BIRC3: variants seen among roughly 807,000 people sequenced by gnomAD.
The protein encoded by BIRC3 is baculoviral IAP repeat containing 3.
BIRC3 carries 26 observed loss-of-function variants against 59.0 expected under a neutral mutation model. That is an observed-to-expected ratio of 0.44 (90% CI 0.32 to 0.61). BIRC3 has a LOEUF of 0.61. BIRC3 is among the 20% of genes least tolerant of loss of function. The pLI is 0.04. For synonymous variants in BIRC3, 243 were observed against 249.2 expected, an observed-to-expected ratio of 0.98 and a Z score of 0.24; for missense variants, 641 against 711.5, an observed-to-expected ratio of 0.90 and a Z score of 1.13.
chr11:102,326,972 C>T, intron 3 of BIRC3: 1 of 344,380 alleles, frequency 2.9e-6, no homozygotes, highest in Non-Finnish European at 5.7e-6. Context: ...CGGCCAACAT[C>T]AGTGTGTTTT....
At position 102,325,098 on chromosome 11, in the gene BIRC3, A is replaced by C; in HGVS notation, c.589A>C (p.Ile197Leu). The C allele has an allele frequency of 6.2e-7, 1 of 1,614,190 alleles. No individual in the cohort carries two copies. Among genetic ancestry groups the C allele is most frequent in the East Asian group, 2.2e-5 (1 of 44,884 alleles). The change falls in exon 2 of 9, where the codon ATA becomes CTA. Residue 197 changes from isoleucine to leucine, a missense_variant. By Grantham distance (5) the Ile-to-Leu change is conservative. Around this residue, in one of 4 missense-constraint regions of BIRC3, gnomAD observed 329 missense variants for 365.6 expected, o/e 0.90. Coordinates refer to ENST00000263464, the MANE Select transcript of BIRC3 (RefSeq NM_001165.5). The stretch of plus-strand genomic sequence containing the variant: ...TCTGGCAAAAGCAGGCTTTTACTAC[A>C]TAGGACCTGGAGACAGAGTGGCTTG... ...TDLAKAGFYYIGPGDRVACFA... is the reference protein window; with the variant it reads ...TDLAKAGFYYLGPGDRVACFA...
At chr11:102,334,432 C>T (rs996191593) in intron 6 of BIRC3, among the ~76,000 whole-genome samples, 8 of 152,120 alleles carry the variant, frequency 5.3e-5, no homozygotes, top group Non-Finnish European at 7.4e-5. Flanking sequence ...TGTCTTTAGC[C>T]TTGTCTTTTT....
intron 3 of BIRC3, 96 bp from the exon 4 acceptor site, chr11:102,327,956 A>G: frequency 1.1e-6 from 1 of 879,682 alleles, no homozygotes; most frequent in East Asian, 2.8e-5. Flanking sequence ...CAGATTTGAA[A>G]TGGAATAAAC....
At chr11:102,317,953 A>C (rs574311351) in intron 1 of BIRC3, among the ~76,000 whole-genome samples, 3 of 152,182 alleles carry the variant, frequency 2.0e-5, no homozygotes, top group African/African-American at 7.2e-5. Flanking sequence ...TAAAACGTTT[A>C]ATGAGCAAAT....
In BIRC3 at chr11:102,317,588, GGTGTGTGTGTGTGTGTGTGTGC is replaced by G. The variant is rs1266447233; in HGVS notation, c.-2674+32_-2674+53del. On this transcript the variant is annotated intron_variant, in intron 1 of 8. Transcript: ENST00000263464. ...GGGCAGCAGGTGGGCAAGGAAGGCT[GGTGTGTGTGTGTGTGTGTGTGC>G]GTGTGTGTGTGTGTATGTGTGCGCG... 1.3e-5 allele frequency: 2 copies of G among 151,006 alleles called. No individual in the cohort carries two copies. The highest frequency in any genetic ancestry group is 4.9e-5 in the African/African-American group (2 of 40,836). 9.4% of individuals were successfully genotyped at this position (151,006 alleles called of 1,614,324 possible). A position where few individuals can be genotyped will look rare whatever the true frequency, so the allele number is the denominator to read the frequency against.
Position 102,325,043 on chromosome 11 carries a change from A to G in BIRC3, c.534A>G (p.Thr178=), listed in dbSNP as rs779690097. The change falls in exon 2 of 9, where the codon ACA becomes ACG. Residue 178 remains threonine (T), a synonymous_variant. Coordinates refer to ENST00000263464, the MANE Select transcript of BIRC3 (RefSeq NM_001165.5). ...ATGCCAGATTACTTACTTTTCAGAC[A>G]TGGCCATTGACTTTTCTGTCGCCAA... ...NENARLLTFQ[T]WPLTFLSPTD... is the part of the protein sequence containing the mutation. The G allele has an allele frequency of 6.8e-6, 11 of 1,614,034 alleles. 1 individual carries two copies. In the South Asian group the frequency reaches 1.1e-4, roughly 16 times the overall value.
At position 102,328,182 on chromosome 11, in the gene BIRC3, C is replaced by T. The variant is rs747428947; in HGVS notation, c.1032+52C>T. On this transcript the variant is annotated intron_variant, in intron 4 of 8. Coordinates refer to ENST00000263464, the MANE Select transcript of BIRC3 (RefSeq NM_001165.5). ...TGGTTGCCATCAGAGAAATTGCTTT[C>T]TGATAATTACAGAGAGTGCTATTTG... 16 of 1,377,028 alleles carry T rather than the reference C, an allele frequency of 1.2e-5. No homozygotes were observed. The South Asian group carries it at 1.9e-4, about 17-fold the overall frequency. The allele number at this position is 1,377,028 out of a possible 1,614,324, so 85.3% of individuals were successfully genotyped here.
intron 1 of BIRC3, among the ~76,000 whole-genome samples, chr11:102,318,488 G>C (rs974007599): frequency 6.6e-6 from 1 of 152,320 alleles, no homozygotes; most frequent in African/African-American, 2.4e-5. Flanking sequence ...CATATACCAA[G>C]CTCTGCAGAT....
At position 102,324,430 on chromosome 11, in the gene BIRC3, A is replaced by C; in HGVS notation, c.-80A>C. On this transcript the variant is annotated 5_prime_UTR_variant, in exon 2 of 9. Coordinates refer to ENST00000263464, the MANE Select transcript of BIRC3 (RefSeq NM_001165.5). ...ATTTTGGCTTTTCAGCCTAGTATTA[A>C]AACTGATAAAAGCAAAGCCATGCAC... 6.7e-7 allele frequency: 1 copy of C among 1,488,988 alleles called. No homozygotes were observed. The highest frequency in any genetic ancestry group is 1.4e-5 in the South Asian group (1 of 70,808). 92.2% of individuals were successfully genotyped at this position (1,488,988 alleles called of 1,614,324 possible).
intron 6 of BIRC3, 52 bp from the exon 7 acceptor site, chr11:102,335,914 A>C: frequency 6.5e-7 from 1 of 1,539,900 alleles, no homozygotes; most frequent in Non-Finnish European, 8.8e-7. Context: ...ACTGGAAGGA[A>C]GTTTGTGAGC....
chr11:102,330,857 A>T lies in BIRC3; in HGVS notation c.1082-142A>T, dbSNP rs776923559. ...TATCATTTTAAATTTAACAATGTTC[A>T]TACAAAATAATGCCTATACATTTTG... On this transcript the variant is annotated intron_variant, in intron 5 of 8. Coordinates refer to ENST00000263464, the MANE Select transcript of BIRC3 (RefSeq NM_001165.5). 1.7e-4 allele frequency: 135 copies of T among 798,210 alleles called. 1 individual carries two copies. Among genetic ancestry groups the T allele is most frequent in the Non-Finnish European group, 2.2e-4 (117 of 532,824 alleles). 49.4% of individuals were successfully genotyped at this position (798,210 alleles called of 1,614,324 possible). A position where few individuals can be genotyped will look rare whatever the true frequency, so the allele number is the denominator to read the frequency against.
Position 102,336,196 on chromosome 11 carries a change from G to A in BIRC3, c.1555G>A (p.Ala519Thr), listed in dbSNP as rs1453451870. Residue 519 changes from alanine to threonine, a missense_variant, in exon 7 of 9, where the codon GCT becomes ACT. Ala to Thr is a moderately conservative substitution (Grantham distance 58). This residue lies in a region of BIRC3 where 268 missense variants were observed against 255.7 expected (regional missense o/e 1.05). Coordinates refer to ENST00000263464, the MANE Select transcript of BIRC3 (RefSeq NM_001165.5). ...VFRNSLQEAE[A>T]VLYEHLFVQQ... ...CAGAAACTCTCTGCAAGAAGCTGAA[G>A]CTGTGTTATATGAGCATTTATTTGG... 1 of 1,612,068 alleles carries A rather than the reference G, an allele frequency of 6.2e-7. No individual in the cohort carries two copies. Among genetic ancestry groups the A allele is most frequent in the Non-Finnish European group, 8.5e-7 (1 of 1,179,170 alleles).
chr11:102,324,790 G>C lies in BIRC3; in HGVS notation c.281G>C (p.Arg94Thr), dbSNP rs1951064710. The change falls in exon 2 of 9, where the codon AGA becomes ACA. Residue 94 changes from arginine to threonine, a missense_variant. Coordinates refer to ENST00000263464, the MANE Select transcript of BIRC3 (RefSeq NM_001165.5). ...CATAAAAAGTTGTATCCTAGCTGCA[G>C]ATTCGTTCAGAGTCTAAATTCCGTT... ...EKHKKLYPSCRFVQSLNSVNN... is the reference protein window; with the variant it reads ...EKHKKLYPSCTFVQSLNSVNN... 1 of 1,614,064 alleles carries C rather than the reference G, an allele frequency of 6.2e-7. No individual in the cohort carries two copies. Among genetic ancestry groups the C allele is most frequent in the Admixed American group, 1.7e-5 (1 of 60,002 alleles).
chr11:102,336,746 T>A lies in BIRC3; in HGVS notation c.1580-14T>A. On this transcript the variant is annotated splice_polypyrimidine_tract_variant and intron_variant, in intron 7 of 8. Transcript: ENST00000263464. Reference sequence around the variant, plus strand: ...TTATTTGTCATAGTAATGCTTTTTCTTTTTCTCCCTTAGTGCAACAGGACA... The same window carrying A: ...TTATTTGTCATAGTAATGCTTTTTCATTTTCTCCCTTAGTGCAACAGGACA... 3 of 1,601,726 alleles carry A rather than the reference T, an allele frequency of 1.9e-6. No individual in the cohort carries two copies. Among genetic ancestry groups the A allele is most frequent in the Non-Finnish European group, 2.6e-6 (3 of 1,174,630 alleles).
At chr11:102,317,944 A>C (rs1591517032) in intron 1 of BIRC3, among the ~76,000 whole-genome samples, 1 of 152,334 alleles carries the variant, frequency 6.6e-6, no homozygotes, top group Non-Finnish European at 1.5e-5. Context: ...GGAAGGAAGT[A>C]AAACGTTTAA....
chr11:102,329,882 C>A (rs1951122624), intron 5 of BIRC3, among the ~76,000 whole-genome samples: 1 of 151,896 alleles, frequency 6.6e-6, no homozygotes, highest in Admixed American at 6.6e-5. Flanking sequence ...CACATGTATA[C>A]ATATGTAACA....
Position 102,337,214 on chromosome 11 carries a change from A to AAAACATTGTTTTGTGTAACATATTTATAT in BIRC3, c.*114_*142dup. 3.9e-6 allele frequency: 3 copies of AAAACATTGTTTTGTGTAACATATTTATAT among 769,640 alleles called. No individual in the cohort carries two copies. The highest frequency in any genetic ancestry group is 5.6e-6 in the Non-Finnish European group (3 of 539,128). The allele number at this position is 769,640 out of a possible 1,614,324, so 47.7% of individuals were successfully genotyped here. On this transcript the variant is annotated 3_prime_UTR_variant, in exon 9 of 9. Transcript: ENST00000263464. ...AAATTTTTATTTATTTACAACTCAA[A>AAAACATTGTTTTGTGTAACATATTTATAT]AAACATTGTTTTGTGTAACATATTT...
Position 102,331,178 on chromosome 11 carries a change from C to T in BIRC3, c.1261C>T (p.Leu421Phe). ...AGTCAATGATCTTGTGTTAGACTTA[C>T]TCAATGCAGAAGATGAAATAAGGGA... is the stretch of plus-strand genomic sequence containing the variant. ...RLVNDLVLDL[L>F]NAEDEIREEE... is the part of the protein sequence containing the mutation. Residue 421 changes from leucine to phenylalanine, a missense_variant, in exon 6 of 9, where the codon CTC becomes TTC. Coordinates refer to ENST00000263464, the MANE Select transcript of BIRC3 (RefSeq NM_001165.5). 1 of 1,613,546 alleles carries T rather than the reference C, an allele frequency of 6.2e-7. No individual in the cohort carries two copies. The highest frequency in any genetic ancestry group is 1.1e-5 in the South Asian group (1 of 91,052).
chr11:102,319,503 T>C (rs1302408399), intron 1 of BIRC3, among the ~76,000 whole-genome samples: 1 of 152,176 alleles, frequency 6.6e-6, no homozygotes, highest in Non-Finnish European at 1.5e-5. Context: ...TAGGACAGTG[T>C]AGGATCCCAT....
Sources: allele counts gnomAD v4.1 joint callset (sites outside exome capture counted in the v4.1 genomes callset), GRCh38; gene constraint gnomAD v4.1.1; regional missense constraint gnomAD v4.1.1; transcripts MANE v1.5; gene names NCBI Gene and HGNC (gene_info 2026-07-23, HGNC 2026-07-21).